HSD17B4: variants seen among roughly 807,000 people sequenced by gnomAD.
HSD17B4 encodes the protein hydroxysteroid 17-beta dehydrogenase 4, also known as peroxisomal multifunctional enzyme type 2.
A neutral mutation model predicts 101.0 loss-of-function variants in HSD17B4; 70 were observed. That is an observed-to-expected ratio of 0.69 (90% confidence interval 0.57 to 0.85). HSD17B4 has a LOEUF of 0.85. HSD17B4 is among the 40% of genes least tolerant of loss of function. The pLI is 0.00. For missense variants in HSD17B4, 984 were observed against 892.4 expected (o/e 1.10, Z -1.31); for synonymous variants, 347 against 297.1 (o/e 1.17, Z -1.73).
At chr5:119,541,791 T>G in intron 23 of HSD17B4, 114 bp from the exon 24 acceptor site, 3 of 697,782 alleles carry the variant, frequency 4.3e-6, no homozygotes, top group Non-Finnish European at 7.6e-6. Context: ...TTGCCTTTGT[T>G]GTCCAGAATT....
At chr5:119,534,149 C>T (rs1381573178) in intron 22 of HSD17B4, among the ~76,000 whole-genome samples, 1 of 151,966 alleles carries the variant, frequency 6.6e-6, no homozygotes, top group Non-Finnish European at 1.5e-5. Flanking sequence ...TGGTTGTTTT[C>T]CTCCTGAATT....
At chr5:119,526,424 C>G (rs1311734654) in intron 19 of HSD17B4, among the ~76,000 whole-genome samples, 1 of 151,770 alleles carries the variant, frequency 6.6e-6, no homozygotes, top group Non-Finnish European at 1.5e-5. Context: ...AATATAATGA[C>G]TGCATATTGT....
intron 17 of HSD17B4, among the ~76,000 whole-genome samples, chr5:119,524,988 G>A (rs1388252180): frequency 1.3e-5 from 2 of 151,984 alleles, no homozygotes; most frequent in East Asian, 1.9e-4. Context: ...ATAATTCTTG[G>A]CTTCCCTTTC....
chr5:119,542,176 A>G lies in HSD17B4; in HGVS notation c.*182A>G. 1 of 580,996 alleles carries G rather than the reference A, an allele frequency of 1.7e-6. No homozygotes were observed. The allele number at this position is 580,996 out of a possible 1,614,324, so 36.0% of individuals were successfully genotyped here. On this transcript the variant is annotated 3_prime_UTR_variant, in exon 24 of 24. Transcript: ENST00000510025. ...ATTTTTCATGTATCATTATTTTTACAAGGAACTATATATAAGCTAGCACAT... is the reference window on the plus strand; with the variant it reads ...ATTTTTCATGTATCATTATTTTTACGAGGAACTATATATAAGCTAGCACAT...
intron 19 of HSD17B4, 71 bp downstream of exon 19, chr5:119,526,094 A>G (rs1753570043): frequency 1.1e-6 from 1 of 897,000 alleles, no homozygotes; most frequent in East Asian, 2.4e-5. Flanking sequence ...AAGGGGTTTT[A>G]GTGATTTAAT....
chr5:119,460,110 C>T (rs952743633), intron 2 of HSD17B4, among the ~76,000 whole-genome samples: 6 of 151,568 alleles, frequency 4.0e-5, no homozygotes, highest in Admixed American at 3.9e-4. Flanking sequence ...CTCCTGACCT[C>T]GTGATCCGCC....
chr5:119,520,664 GAAC>G (rs1753036999), intron 17 of HSD17B4, among the ~76,000 whole-genome samples: 2 of 152,134 alleles, frequency 1.3e-5, no homozygotes, highest in South Asian at 4.1e-4. Context: ...CAATGTCTAG[GAAC>G]AGTGGTAACC....
chr5:119,454,347 C>A (rs745555385), intron 1 of HSD17B4, among the ~76,000 whole-genome samples: 12 of 151,046 alleles, frequency 7.9e-5, no homozygotes, highest in Non-Finnish European at 1.8e-4. Flanking sequence ...TACTCTGTAC[C>A]CAGGCTGGAG....
At chr5:119,493,775 C>T in intron 10 of HSD17B4, 43 bp from the exon 11 acceptor site, 1 of 1,595,630 alleles carries the variant, frequency 6.3e-7, no homozygotes, top group East Asian at 2.2e-5. Flanking sequence ...CTTTCTGTCT[C>T]TCAACTATGT....
intron 6 of HSD17B4, chr5:119,476,556 G>A: frequency 1.0e-6 from 1 of 985,224 alleles, no homozygotes; most frequent in Non-Finnish European, 1.2e-6. Context: ...GTGCCTGACT[G>A]TCTTTTGGAA....
At chr5:119,524,804 A>C (rs773856752) in intron 17 of HSD17B4, among the ~76,000 whole-genome samples, 1 of 152,108 alleles carries the variant, frequency 6.6e-6, no homozygotes, top group Non-Finnish European at 1.5e-5. Flanking sequence ...TCTATGTCCG[A>C]TATTGTCTTA....
rs559771330 is a variant in HSD17B4 at position 119,541,136 on chromosome 5, C to T, written c.2122-769C>T. On this transcript the variant is annotated intron_variant, in intron 23 of 23. Coordinates refer to ENST00000510025, the MANE Select transcript of HSD17B4 (RefSeq NM_000414.4). ...ACTGAAGGAGAACTTAAGGAACTTG[C>T]ACCAGTTTCTGTATCAGGTTAGATA... is the stretch of plus-strand genomic sequence containing the variant. 3.9e-5 allele frequency among the ~76,000 whole-genome samples: 6 copies of T among 152,260 alleles called. 1 individual carries two copies. The South Asian group carries it at 1.0e-3, about 26-fold the overall frequency.
Position 119,475,097 on chromosome 5 carries a change from T to A in HSD17B4, c.281-609T>A, listed in dbSNP as rs147436949. 1.3e-3 allele frequency among the ~76,000 whole-genome samples: 203 copies of A among 152,298 alleles called. 2 individuals carry two copies. The highest frequency in any genetic ancestry group is 4.6e-3 in the South Asian group (22 of 4,832). The stretch of plus-strand genomic sequence containing the variant: ...CCTTTTTTGTTTGGTCTATTACACT[T>A]ATTTTTCTAATTTTGTTTGATTGAA... On this transcript the variant is annotated intron_variant, in intron 4 of 23. Transcript: ENST00000510025.
At chr5:119,523,083 T>A (rs1753257264) in intron 17 of HSD17B4, among the ~76,000 whole-genome samples, 2 of 152,190 alleles carry the variant, frequency 1.3e-5, no homozygotes, top group African/African-American at 4.8e-5. Flanking sequence ...CTCTGTCTTC[T>A]AGTTACACTG....
intron 8 of HSD17B4, among the ~76,000 whole-genome samples, chr5:119,481,558 A>G (rs1037310014): frequency 6.6e-6 from 1 of 152,218 alleles, no homozygotes; most frequent in Non-Finnish European, 1.5e-5. Context: ...TTCTCAGTGC[A>G]TGTAAAAGTT....
intron 10 of HSD17B4, chr5:119,493,438 A>G (rs1750300200): frequency 9.1e-6 from 2 of 219,600 alleles, no homozygotes; most frequent in East Asian, 1.2e-4. Context: ...GCGAAGCTCT[A>G]TTCAGTTATC....
intron 23 of HSD17B4, 113 bp downstream of exon 23, chr5:119,536,663 C>G: frequency 2.1e-6 from 2 of 942,870 alleles, no homozygotes; most frequent in Non-Finnish European, 3.4e-6. Context: ...TCTTACAACT[C>G]TGAAGATGAC....
intron 2 of HSD17B4, among the ~76,000 whole-genome samples, chr5:119,463,846 G>C (rs1164102947): frequency 2.0e-5 from 3 of 150,148 alleles, no homozygotes; most frequent in African/African-American, 7.3e-5. Context: ...TTTTTTTGTA[G>C]TTTTAGTAGA....
chr5:119,480,103 T>C (rs1055332171), intron 8 of HSD17B4, among the ~76,000 whole-genome samples: 1 of 152,204 alleles, frequency 6.6e-6, no homozygotes, highest in Non-Finnish European at 1.5e-5. Context: ...TATTGAACAT[T>C]TTTTTCCTAT....
Sources: gnomAD v4.1 joint callset for allele counts (sites outside exome capture counted in the v4.1 genomes callset) on GRCh38, gnomAD v4.1.1 for gene constraint, MANE v1.5 for transcripts, NCBI Gene and HGNC (gene_info 2026-07-23, HGNC 2026-07-21) for gene names.